ATP2B3: variants seen among roughly 807,000 people sequenced by gnomAD.
The protein encoded by ATP2B3 is ATPase plasma membrane Ca2+ transporting 3, also known as plasma membrane calcium-transporting ATPase 3.
ATP2B3 carries 12 observed loss-of-function variants against 70.8 expected under a neutral mutation model. That is an observed-to-expected ratio of 0.17 (90% CI 0.11 to 0.27). The LOEUF (loss-of-function observed/expected upper bound fraction) is 0.27. Ranked by LOEUF, ATP2B3 falls within the 10% of genes least tolerant of loss-of-function variation. The probability of loss-of-function intolerance (pLI) is 1.00; values close to 1 mark genes in which losing one functional copy is unlikely to be tolerated. For synonymous variants in ATP2B3, 460 were observed against 497.8 expected (o/e 0.92, Z 1.01); for missense variants, 858 against 1,118.5 (o/e 0.77, Z 3.32).
At chrX:153,577,777 CT>C (rs1294429394) in intron 21 of ATP2B3, among the ~76,000 whole-genome samples, 1 of 111,006 alleles carries the variant, frequency 9.0e-6, no homozygotes, top group Non-Finnish European at 1.9e-5. Flanking sequence ...TTTTGGCTTA[CT>C]TTTTTTTATT....
At chrX:153,524,529 G>T (rs1361924038) in intron 2 of ATP2B3, among the ~76,000 whole-genome samples, 1 of 111,863 alleles carries the variant, frequency 8.9e-6, no homozygotes, top group Non-Finnish European at 1.9e-5. Context: ...CAAACCTGTT[G>T]AATCCAAATG....
At chrX:153,550,911 T>A (rs978763207) in intron 12 of ATP2B3, among the ~76,000 whole-genome samples, 2 of 112,023 alleles carry the variant, frequency 1.8e-5, no homozygotes, top group Non-Finnish European at 3.8e-5. Flanking sequence ...TTCCATTCTT[T>A]CTAAGGCTGA....
At position 153,556,345 on chromosome X, in the gene ATP2B3, G is replaced by A. The variant is rs1557013555; in HGVS notation, c.2253G>A (p.Arg751=). The A allele has an allele frequency of 8.3e-7, 1 of 1,207,279 alleles. No individual in the cohort carries two copies. The highest frequency in any genetic ancestry group is 2.2e-5 in the Admixed American group (1 of 45,643). ...CCCCTCCCCAGATAGAACAGGAGCG[G>A]CTGGACAAGGTGTGGCCCAAGCTGA... The part of the protein sequence containing the change: ...RNEKGEIEQE[R]LDKVWPKLRV... Residue 751 remains arginine, a synonymous_variant, in exon 15 of 22, where the codon CGG becomes CGA. Coordinates refer to ENST00000263519, the MANE Select transcript of ATP2B3 (RefSeq NM_001001344.3).
In ATP2B3 at chrX:153,548,627, C is replaced by T. The variant is rs782573447; in HGVS notation, c.1124-13C>T. ...GTGGCAACCCCTTTCGTCTCCTCCC[C>T]GCTCTGTGGCAGGGCTGGTGATGTC... On this transcript the variant is annotated splice_polypyrimidine_tract_variant and intron_variant, in intron 9 of 21. Transcript: ENST00000263519. 2.1e-5 allele frequency: 25 copies of T among 1,202,496 alleles called. No individual in the cohort carries two copies. Among genetic ancestry groups the T allele is most frequent in the Non-Finnish European group, 2.6e-5 (23 of 889,924 alleles).
intron 21 of ATP2B3, among the ~76,000 whole-genome samples, chrX:153,568,744 C>T (rs1382705490): frequency 8.9e-6 from 1 of 112,539 alleles, no homozygotes; most frequent in Admixed American, 9.3e-5. Flanking sequence ...TCTGAACACT[C>T]AAGCTGCCTT....
chrX:153,570,387 C>T lies in ATP2B3; in HGVS notation c.3342+5284C>T, dbSNP rs151241551. ...GCCCTGTAGGCCTTGCCCCAAGCCA[C>T]CGGGTGTTAGAGGTTTCCCCAGAAC... is the stretch of plus-strand genomic sequence containing the variant. On this transcript the variant is annotated intron_variant, in intron 21 of 21. Coordinates refer to ENST00000263519, the MANE Select transcript of ATP2B3 (RefSeq NM_001001344.3). Among the ~76,000 whole-genome samples the T allele has an allele frequency of 7.9e-3, 891 of 112,778 alleles. 3 individuals are homozygous for T. The highest frequency in any genetic ancestry group is 0.024 in the African/African-American group (755 of 31,077).
Position 153,580,219 on chromosome X carries a change from A to G in ATP2B3, c.3584A>G (p.His1195Arg), listed in dbSNP as rs1282740743. Residue 1195 changes from histidine to arginine, a missense_variant, in exon 22 of 22, where the codon CAT becomes CGT. His to Arg is a conservative substitution (Grantham distance 29). Around this residue, in one of 5 missense-constraint regions of ATP2B3, gnomAD observed 265 missense variants for 305.3 expected, o/e 0.87. Coordinates refer to ENST00000263519, the MANE Select transcript of ATP2B3 (RefSeq NM_001001344.3). ...AIDSGIYLTT[H>R]VTKSATSSVF... Reference sequence around the variant, plus strand: ...GACAGCGGCATCTACCTGACCACGCATGTCACCAAGTCAGCTACCTCTTCA... The same window carrying G: ...GACAGCGGCATCTACCTGACCACGCGTGTCACCAAGTCAGCTACCTCTTCA... 7.7e-6 allele frequency: 9 copies of G among 1,170,079 alleles called. No homozygotes were observed. Among genetic ancestry groups the G allele is most frequent in the Non-Finnish European group, 1.0e-5 (9 of 874,497 alleles).
chrX:153,541,427 A>G lies in ATP2B3; in HGVS notation c.277A>G (p.Lys93Glu), dbSNP rs1168376175. Reference sequence around the variant, plus strand: ...CTACGGGCAGAACTTCATCCCCCCAAAGCAACCCAAGACCTTCCTGCAGCT... The same window carrying G: ...CTACGGGCAGAACTTCATCCCCCCAGAGCAACCCAAGACCTTCCTGCAGCT... ...QIYGQNFIPP[K>E]QPKTFLQLVW... Residue 93 changes from lysine to glutamate, a missense_variant, in exon 4 of 22, where the codon AAG (lysine) becomes GAG (glutamate). Lys to Glu is a moderately conservative substitution (Grantham distance 56, BLOSUM62 1). Coordinates refer to ENST00000263519, the MANE Select transcript of ATP2B3 (RefSeq NM_001001344.3). 5.0e-6 allele frequency: 6 copies of G among 1,209,870 alleles called. No homozygotes were observed. In the African/African-American group the frequency reaches 8.7e-5, roughly 18 times the overall value.
chrX:153,580,917 G>A lies in ATP2B3; in HGVS notation c.*619G>A, dbSNP rs1352686202. 1 of 113,224 alleles carries A rather than the reference G, an allele frequency of 8.8e-6. No homozygotes were observed. The allele number at this position is 113,224 out of a possible 1,213,427, so 9.3% of individuals were successfully genotyped here. A position where few individuals can be genotyped will look rare whatever the true frequency, so the allele number is the denominator to read the frequency against. Reference sequence around the variant, plus strand: ...AGGCACATCCGCAGTGCGCATGTGTGTGCGTGCATGCACATATGTGTATGT... The same window carrying A: ...AGGCACATCCGCAGTGCGCATGTGTATGCGTGCATGCACATATGTGTATGT... On this transcript the variant is annotated 3_prime_UTR_variant, in exon 22 of 22. Transcript: ENST00000263519.
chrX:153,556,027 C>G, intron 13 of ATP2B3, 22 bp from the exon 14 acceptor site: 1 of 1,211,828 alleles, frequency 8.3e-7, no homozygotes, highest in Non-Finnish European at 1.1e-6. Context: ...ATGGCCCCGC[C>G]CACCTCTCTT....
At chrX:153,537,128 G>A (rs183540664) in intron 3 of ATP2B3, among the ~76,000 whole-genome samples, 75 of 113,251 alleles carry the variant, frequency 6.6e-4, no homozygotes, top group East Asian at 3.3e-3. Flanking sequence ...GATCTGGGGC[G>A]GAGGCCTGAC....
intron 2 of ATP2B3, among the ~76,000 whole-genome samples, chrX:153,524,407 G>A (rs2090001615): frequency 8.9e-6 from 1 of 111,890 alleles, no homozygotes; most frequent in Non-Finnish European, 1.9e-5. Flanking sequence ...CTGCATGGTA[G>A]CCTGCAAGTA....
intron 2 of ATP2B3, among the ~76,000 whole-genome samples, chrX:153,531,242 C>T (rs903960420): frequency 2.6e-5 from 3 of 113,230 alleles, no homozygotes; most frequent in South Asian, 3.6e-4. Context: ...CCAGACTGGG[C>T]GCCCTCCTTC....
Position 153,553,132 on chromosome X carries a change from G to T in ATP2B3, c.1921G>T (p.Asp641Tyr). Residue 641 changes from aspartate to tyrosine, a missense_variant, in exon 13 of 22, where the codon GAT becomes TAT. Around this residue, in one of 5 missense-constraint regions of ATP2B3, gnomAD observed 242 missense variants for 281.3 expected, o/e 0.86. Coordinates refer to ENST00000263519, the MANE Select transcript of ATP2B3 (RefSeq NM_001001344.3). ...VRKIIEPMAC[D>Y]GLRTICIAYR... is the part of the protein sequence containing the mutation. ...GAAGATCATCGAGCCGATGGCTTGCGATGGCCTCCGCACCATCTGCATCGC... is the reference window on the plus strand; with the variant it reads ...GAAGATCATCGAGCCGATGGCTTGCTATGGCCTCCGCACCATCTGCATCGC... The T allele has an allele frequency of 8.3e-7, 1 of 1,210,799 alleles. No homozygotes were observed.
Position 153,558,097 on chromosome X carries a change from G to C in ATP2B3, c.2434-15G>C. 1.7e-6 allele frequency: 2 copies of C among 1,201,448 alleles called. No individual in the cohort carries two copies. Among genetic ancestry groups the C allele is most frequent in the Non-Finnish European group, 2.2e-6 (2 of 889,873 alleles). ...CCACAAACACTCTGTGTGAGTGTGT[G>C]TGTCACCCCCCCAGGGCATCGCAGG... On this transcript the variant is annotated splice_polypyrimidine_tract_variant and intron_variant, in intron 16 of 21. Coordinates refer to ENST00000263519, the MANE Select transcript of ATP2B3 (RefSeq NM_001001344.3).
At chrX:153,527,200 G>A (rs1177644211) in intron 2 of ATP2B3, among the ~76,000 whole-genome samples, 1 of 112,857 alleles carries the variant, frequency 8.9e-6, no homozygotes, top group Non-Finnish European at 1.9e-5. Context: ...GCCGACTTGG[G>A]GCACCTCTCC....
intron 7 of ATP2B3, among the ~76,000 whole-genome samples, chrX:153,545,340 C>T (rs782446621): frequency 2.7e-5 from 3 of 113,037 alleles, no homozygotes; most frequent in African/African-American, 6.4e-5. Flanking sequence ...GAAAGCGCCC[C>T]GCAGAGTCCT....
chrX:153,556,072 C>T lies in ATP2B3; in HGVS notation c.2082C>T (p.Cys694=), dbSNP rs2090529399. 8.2e-7 allele frequency: 1 copy of T among 1,212,494 alleles called. No individual in the cohort carries two copies. Among genetic ancestry groups the T allele is most frequent in the Non-Finnish European group, 1.1e-6 (1 of 895,667 alleles). Residue 694 remains cysteine, a synonymous_variant, in exon 14 of 22, where the codon TGC becomes TGT. Transcript: ENST00000263519. ...AGGTCCCTGAAGCTATCCGAAAATGCCAGCGTGCTGGCATCACAGTCCGCA... is the reference window on the plus strand; with the variant it reads ...AGGTCCCTGAAGCTATCCGAAAATGTCAGCGTGCTGGCATCACAGTCCGCA... ...RPEVPEAIRK[C]QRAGITVRMV...
intron 21 of ATP2B3, among the ~76,000 whole-genome samples, chrX:153,574,167 G>C (rs2124543947): frequency 8.9e-6 from 1 of 112,832 alleles, no homozygotes; most frequent in Admixed American, 9.3e-5. Flanking sequence ...TGCCCGAGTT[G>C]ACTGATGGTT....
Sources: allele counts gnomAD v4.1 joint callset (sites outside exome capture counted in the v4.1 genomes callset), GRCh38; gene constraint gnomAD v4.1.1; regional missense constraint gnomAD v4.1.1; transcripts MANE v1.5; gene names NCBI Gene and HGNC (gene_info 2026-07-23, HGNC 2026-07-21).